APOBEC3C: variants seen among roughly 807,000 people sequenced by gnomAD.
APOBEC3C encodes DNA dC->dU-editing enzyme APOBEC-3C.
A neutral mutation model predicts 20.6 loss-of-function variants in APOBEC3C; 14 were observed. That is an observed-to-expected ratio of 0.68 (90% confidence interval 0.45 to 1.06). The LOEUF is 1.06. APOBEC3C is among the 50% of genes least tolerant of loss of function. APOBEC3C has a pLI of 0.00. For synonymous variants in APOBEC3C, 98 were observed against 88.8 expected (o/e 1.10, Z -0.58); for missense variants, 244 against 241.9 (o/e 1.01, Z -0.06).
Position 39,015,754 on chromosome 22 carries a change from A to G in APOBEC3C, c.174+3A>G. The G allele has an allele frequency of 6.2e-7, 1 of 1,613,396 alleles. No homozygotes were observed. The highest frequency in any genetic ancestry group is 8.5e-7 in the Non-Finnish European group (1 of 1,179,736). On this transcript the variant is annotated splice_donor_region_variant and intron_variant, in intron 2 of 3. Coordinates refer to ENST00000361441, the MANE Select transcript of APOBEC3C (RefSeq NM_014508.3). ...AGACGGGCGTCTTCCGAAACCAGGT[A>G]GCACCAAAGTCCTAGTTACACCCTA... is the stretch of plus-strand genomic sequence containing the variant.
chr22:39,017,935 A>G lies in APOBEC3C; in HGVS notation c.344A>G (p.Asn115Ser). ...AEFLARHSNV[N>S]LTIFTARLYY... Reference sequence around the variant, plus strand: ...TTCCTGGCCAGGCACAGCAACGTGAATCTCACCATCTTCACCGCCCGCCTC... The same window carrying G: ...TTCCTGGCCAGGCACAGCAACGTGAGTCTCACCATCTTCACCGCCCGCCTC... The change falls in exon 3 of 4, where the codon AAT becomes AGT. Residue 115 changes from asparagine to serine, a missense_variant. Transcript: ENST00000361441. 1.2e-6 allele frequency: 2 copies of G among 1,614,182 alleles called. No individual in the cohort carries two copies. The highest frequency in any genetic ancestry group is 1.7e-6 in the Non-Finnish European group (2 of 1,180,016).
At chr22:39,017,266 G>T (rs1160166594) in intron 2 of APOBEC3C, among the ~76,000 whole-genome samples, 1 of 151,846 alleles carries the variant, frequency 6.6e-6, no homozygotes, top group African/African-American at 2.4e-5. Context: ...AAAGAGAGAA[G>T]GAGAAGGATA....
rs984032517 is a variant in APOBEC3C at position 39,018,617 on chromosome 22, C to A, written c.*230C>A. On this transcript the variant is annotated 3_prime_UTR_variant, in exon 4 of 4. Transcript: ENST00000361441. The stretch of plus-strand genomic sequence containing the variant: ...ATGGCTATCCATCCACCCCCACAGA[C>A]CCCGTTCCTCCAGCCTGCGTGCCCC... The A allele has an allele frequency of 7.0e-6, 3 of 425,716 alleles. No homozygotes were observed. The highest frequency in any genetic ancestry group is 6.0e-5 in the African/African-American group (3 of 49,730). 26.4% of individuals were successfully genotyped at this position (425,716 alleles called of 1,614,324 possible). A position where few individuals can be genotyped will look rare whatever the true frequency, so the allele number is the denominator to read the frequency against.
At position 39,014,624 on chromosome 22, in the gene APOBEC3C, C is replaced by T. The variant is rs569752176; in HGVS notation, c.17+245C>T. Among the ~76,000 whole-genome samples the T allele has an allele frequency of 3.7e-4, 57 of 152,090 alleles. 1 individual carries two copies. Among genetic ancestry groups the T allele is most frequent in the Admixed American group, 3.3e-3 (51 of 15,276 alleles). On this transcript the variant is annotated intron_variant, in intron 1 of 3. Transcript: ENST00000361441. ...CAGTCCGCCTGCTGAGACTCTCCCC[C>T]GAAAATCATGCCCGGGCTGGTGCTT...
At chr22:39,016,366 ATTTTTTCT>A (rs1373020304) in intron 2 of APOBEC3C, among the ~76,000 whole-genome samples, 12 of 131,790 alleles carry the variant, frequency 9.1e-5, no homozygotes, top group Non-Finnish European at 1.1e-4. Flanking sequence ...TGCCCAGCTA[ATTTTTTCT>A]TTTTTTCTTT....
Position 39,017,757 on chromosome 22 carries a change from C to CT in APOBEC3C, c.175-7dup, listed in dbSNP as rs746089401. The CT allele has an allele frequency of 1.2e-6, 2 of 1,610,976 alleles. No individual in the cohort carries two copies. The highest frequency in any genetic ancestry group is 1.7e-6 in the Non-Finnish European group (2 of 1,177,536). ...GAGCTCCCCTGTCCTCCTCCTCCTC[C>CT]TTCGCCAGGTGGATTCTGAGACCCA... On this transcript the variant is annotated splice_polypyrimidine_tract_variant and intron_variant, in intron 2 of 3. Coordinates refer to ENST00000361441, the MANE Select transcript of APOBEC3C (RefSeq NM_014508.3).
chr22:39,014,433 G>A (rs1032949035), intron 1 of APOBEC3C, 54 bp downstream of exon 1: 2 of 1,612,386 alleles, frequency 1.2e-6, no homozygotes, highest in African/African-American at 2.7e-5. Context: ...CTGCCAGGCG[G>A]TCCTGCTGGG....
At chr22:39,016,454 T>C (rs1378818276) in intron 2 of APOBEC3C, among the ~76,000 whole-genome samples, 1 of 147,992 alleles carries the variant, frequency 6.8e-6, no homozygotes, top group Non-Finnish European at 1.5e-5. Flanking sequence ...CCTGACCTCA[T>C]GATCCGCCCG....
chr22:39,018,551 G>A lies in APOBEC3C; in HGVS notation c.*164G>A. 5.2e-6 allele frequency: 4 copies of A among 769,688 alleles called. No homozygotes were observed. Among genetic ancestry groups the A allele is most frequent in the Non-Finnish European group, 8.2e-6 (4 of 486,110 alleles). 47.7% of individuals were successfully genotyped at this position (769,688 alleles called of 1,614,324 possible). A position where few individuals can be genotyped will look rare whatever the true frequency, so the allele number is the denominator to read the frequency against. ...TCCCCTGCCTCACCGCTTCCTCCTC[G>A]CTCTTCCAGACTCTTCCTGCAGAGG... On this transcript the variant is annotated 3_prime_UTR_variant, in exon 4 of 4. Transcript: ENST00000361441.
rs918631493 is a variant in APOBEC3C, at chr22:39,019,473, T to C, written c.*1086T>C. The C allele has an allele frequency of 6.6e-6, 1 of 152,256 alleles. No homozygotes were observed. Among genetic ancestry groups the C allele is most frequent in the Non-Finnish European group, 1.5e-5 (1 of 68,050 alleles). 9.4% of individuals were successfully genotyped at this position (152,256 alleles called of 1,614,324 possible). A position where few individuals can be genotyped will look rare whatever the true frequency, so the allele number is the denominator to read the frequency against. ...CAATTCTTTCTTTGCAAATGAAATA[T>C]GAAATTTAGAGGCTCTTCTAAACAC... is the stretch of plus-strand genomic sequence containing the variant. On this transcript the variant is annotated 3_prime_UTR_variant, in exon 4 of 4. Transcript: ENST00000361441.
At chr22:39,017,648 G>A (rs990183319) in intron 2 of APOBEC3C, 118 bp from the exon 3 acceptor site, 3 of 1,311,716 alleles carry the variant, frequency 2.3e-6, no homozygotes, top group South Asian at 1.4e-5. Context: ...TCTCAAAAAT[G>A]AGTAAATAAG....
Position 39,018,493 on chromosome 22 carries a change from G to A in APOBEC3C, c.*106G>A. 1 of 1,350,776 alleles carries A rather than the reference G, an allele frequency of 7.4e-7. No individual in the cohort carries two copies. Among genetic ancestry groups the A allele is most frequent in the Non-Finnish European group, 1.0e-6 (1 of 982,352 alleles). 83.7% of individuals were successfully genotyped at this position (1,350,776 alleles called of 1,614,324 possible). A position where few individuals can be genotyped will look rare whatever the true frequency, so the allele number is the denominator to read the frequency against. On this transcript the variant is annotated 3_prime_UTR_variant, in exon 4 of 4. Coordinates refer to ENST00000361441, the MANE Select transcript of APOBEC3C (RefSeq NM_014508.3). ...CTCTGTTTCTGCCTGGTCATCCTGAGCCCCTCCTGGCCTCAGGGCCATTCC... is the reference window on the plus strand; with the variant it reads ...CTCTGTTTCTGCCTGGTCATCCTGAACCCCTCCTGGCCTCAGGGCCATTCC...
Position 39,014,406 on chromosome 22 carries a change from G to A in APOBEC3C, c.17+27G>A, listed in dbSNP as rs6001380. On this transcript the variant is annotated intron_variant, in intron 1 of 3. Coordinates refer to ENST00000361441, the MANE Select transcript of APOBEC3C (RefSeq NM_014508.3). ...TACCTCTGCACGCTTTGTCCGCCAG[G>A]CCCCTCCTGCCACTTCCTGCCAGGC... 416 of 1,613,160 alleles carry A rather than the reference G, an allele frequency of 2.6e-4. 2 individuals carry two copies. In the African/African-American group the frequency reaches 4.9e-3, roughly 19 times the overall value.
At position 39,015,631 on chromosome 22, in the gene APOBEC3C, C is replaced by T; in HGVS notation, c.54C>T (p.Tyr18=). The T allele has an allele frequency of 1.9e-6, 3 of 1,614,122 alleles. No individual in the cohort carries two copies. Among genetic ancestry groups the T allele is most frequent in the Non-Finnish European group, 2.5e-6 (3 of 1,180,010 alleles). Residue 18 remains tyrosine, a synonymous_variant, in exon 2 of 4, where the codon TAC becomes TAT. Coordinates refer to ENST00000361441, the MANE Select transcript of APOBEC3C (RefSeq NM_014508.3). The stretch of plus-strand genomic sequence containing the variant: ...AGGCAATGTATCCAGGCACATTCTA[C>T]TTCCAATTTAAAAACCTATGGGAAG... ...PMKAMYPGTF[Y]FQFKNLWEAN... is the part of the protein sequence containing the mutation.
chr22:39,016,189 C>CCTT (rs1193762865), intron 2 of APOBEC3C, among the ~76,000 whole-genome samples: 1 of 121,564 alleles, frequency 8.2e-6, no homozygotes, highest in Non-Finnish European at 1.7e-5. Context: ...CTCCTCCCCA[C>CCTT]ATTATTTATT....
Position 39,018,818 on chromosome 22 carries a change from C to CAAAAAAAAA in APOBEC3C, c.*450_*458dup, listed in dbSNP as rs57039400. On this transcript the variant is annotated 3_prime_UTR_variant, in exon 4 of 4. Transcript: ENST00000361441. Reference sequence around the variant, plus strand: ...GTCACATGACAAAGCCCCATCTCTACAAAAAAAAAAAAAAAAAAAAAAAAA... The same window carrying CAAAAAAAAA: ...GTCACATGACAAAGCCCCATCTCTACAAAAAAAAAAAAAAAAAAAAAAAAAAAAAAAAAA... The CAAAAAAAAA allele has an allele frequency of 4.2e-5, 2 of 47,452 alleles. No homozygotes were observed. The highest frequency in any genetic ancestry group is 7.3e-5 in the Non-Finnish European group (2 of 27,418). The allele number at this position is 47,452 out of a possible 1,614,324, so 2.9% of individuals were successfully genotyped here. A position where few individuals can be genotyped will look rare whatever the true frequency, so the allele number is the denominator to read the frequency against.
At chr22:39,016,114 G>C (rs1197065009) in intron 2 of APOBEC3C, among the ~76,000 whole-genome samples, 2 of 151,890 alleles carry the variant, frequency 1.3e-5, no homozygotes, top group East Asian at 3.9e-4. Context: ...CTGACCTCAA[G>C]TGATCCACCA....
Position 39,014,336 on chromosome 22 carries a change from G to A in APOBEC3C, c.-27G>A, listed in dbSNP as rs1472277129. ...CAGCGCTTCAGAAAAGAGTGGGACA[G>A]GGACAAGCATATCTAAGAGGCTGAA... On this transcript the variant is annotated 5_prime_UTR_variant, in exon 1 of 4. Transcript: ENST00000361441. The A allele has an allele frequency of 6.2e-7, 1 of 1,614,164 alleles. No homozygotes were observed. The highest frequency in any genetic ancestry group is 1.7e-5 in the Admixed American group (1 of 60,028).
rs1209248624 is a variant in APOBEC3C at position 39,015,621 on chromosome 22, G to A, written c.44G>A (p.Gly15Asp). The A allele has an allele frequency of 2.5e-6, 4 of 1,613,970 alleles. No homozygotes were observed. The African/African-American group carries it at 4.0e-5, about 16-fold the overall frequency. The change falls in exon 2 of 4, where the codon GGC becomes GAC. Residue 15 changes from glycine (G) to aspartate (D), a missense_variant. Coordinates refer to ENST00000361441, the MANE Select transcript of APOBEC3C (RefSeq NM_014508.3). ...AACCCGATGAAGGCAATGTATCCAG[G>A]CACATTCTACTTCCAATTTAAAAAC... ...IRNPMKAMYP[G>D]TFYFQFKNLW...
Sources: gnomAD v4.1 joint callset for allele counts (sites outside exome capture counted in the v4.1 genomes callset) on GRCh38, gnomAD v4.1.1 for gene constraint, MANE v1.5 for transcripts, NCBI Gene and HGNC (gene_info 2026-07-23, HGNC 2026-07-21) for gene names.